HHAT: variants seen among roughly 807,000 people sequenced by gnomAD.
HHAT encodes hedgehog acyltransferase.
A neutral mutation model predicts 70.8 loss-of-function variants in HHAT; 47 were observed. That is an observed-to-expected ratio of 0.66 (90% CI 0.53 to 0.85). HHAT has a LOEUF of 0.85. Among genes scored for constraint, HHAT ranks in the 40% least tolerant of loss-of-function variants. HHAT has a pLI of 0.00. For missense variants in HHAT, 609 were observed against 604.8 expected (o/e 1.01, Z -0.07); for synonymous variants, 228 against 247.6 (o/e 0.92, Z 0.74).
chr1:210,414,288 C>A (rs1267444137), intron 6 of HHAT, among the ~76,000 whole-genome samples: 1 of 152,178 alleles, frequency 6.6e-6, no homozygotes, highest in Non-Finnish European at 1.5e-5. Context: ...TCAAAGGCCC[C>A]ACCTCCTAGT....
chr1:210,428,936 A>G (rs1413313905), intron 7 of HHAT, among the ~76,000 whole-genome samples: 1 of 151,734 alleles, frequency 6.6e-6, no homozygotes, highest in East Asian at 1.9e-4. Context: ...TGATCGCACC[A>G]CTGCACTCTA....
At chr1:210,399,357 A>G (rs531763928) in intron 4 of HHAT, among the ~76,000 whole-genome samples, 2 of 152,236 alleles carry the variant, frequency 1.3e-5, no homozygotes, top group South Asian at 2.1e-4. Context: ...CCCGAGTTCC[A>G]GGGATTCTCC....
chr1:210,655,784 T>C (rs937843783), intron 11 of HHAT, among the ~76,000 whole-genome samples: 3 of 152,266 alleles, frequency 2.0e-5, no homozygotes, highest in African/African-American at 7.2e-5. Flanking sequence ...AACACTGCCT[T>C]CTGCTCCAGT....
At chr1:210,517,725 G>T (rs773761663) in intron 9 of HHAT, among the ~76,000 whole-genome samples, 5 of 152,156 alleles carry the variant, frequency 3.3e-5, no homozygotes, top group Non-Finnish European at 7.4e-5. Context: ...AATATAGGAA[G>T]AAATGCATGT....
intron 10 of HHAT, among the ~76,000 whole-genome samples, chr1:210,616,963 C>T (rs1312181310): frequency 6.6e-6 from 1 of 152,202 alleles, no homozygotes; most frequent in Non-Finnish European, 1.5e-5. Context: ...AATTGGGTGA[C>T]TGACTTTGCT....
At chr1:210,565,554 CA>C (rs1654503555) in intron 9 of HHAT, among the ~76,000 whole-genome samples, 1 of 151,962 alleles carries the variant, frequency 6.6e-6, no homozygotes, top group African/African-American at 2.4e-5. Flanking sequence ...TCCATAATAC[CA>C]GAGGAACACA....
At chr1:210,486,605 C>T (rs1486499790) in intron 8 of HHAT, among the ~76,000 whole-genome samples, 1 of 152,142 alleles carries the variant, frequency 6.6e-6, no homozygotes, top group Non-Finnish European at 1.5e-5. Flanking sequence ...GTGGGGGAAG[C>T]ACAGTGTTTC....
At chr1:210,486,424 C>CTG (rs1389503165) in intron 8 of HHAT, among the ~76,000 whole-genome samples, 2 of 152,194 alleles carry the variant, frequency 1.3e-5, no homozygotes, top group Non-Finnish European at 2.9e-5. Flanking sequence ...TCTTGAGCTG[C>CTG]TGAAAGTGCT....
chr1:210,569,769 A>T (rs1655777626), intron 9 of HHAT, among the ~76,000 whole-genome samples: 1 of 152,076 alleles, frequency 6.6e-6, no homozygotes, highest in African/African-American at 2.4e-5. Flanking sequence ...CCTCAGAATC[A>T]ACCCCTTCAT....
chr1:210,563,357 G>A (rs919932040), intron 9 of HHAT, among the ~76,000 whole-genome samples: 1 of 152,130 alleles, frequency 6.6e-6, no homozygotes, highest in Non-Finnish European at 1.5e-5. Flanking sequence ...TCATAATTTG[G>A]GTTTGGAAGA....
intron 2 of HHAT, among the ~76,000 whole-genome samples, chr1:210,355,543 A>G (rs2087521063): frequency 6.6e-6 from 1 of 152,218 alleles, no homozygotes; most frequent in Non-Finnish European, 1.5e-5. Flanking sequence ...ATACGGATTC[A>G]TTCCTATTAC....
chr1:210,547,796 C>T (rs1008287906), intron 9 of HHAT, among the ~76,000 whole-genome samples: 1 of 152,188 alleles, frequency 6.6e-6, no homozygotes, highest in Non-Finnish European at 1.5e-5. Context: ...ACTCCAGAAC[C>T]TCACCGAACA....
At chr1:210,360,886 C>A (rs1571874247) in intron 2 of HHAT, among the ~76,000 whole-genome samples, 1 of 113,820 alleles carries the variant, frequency 8.8e-6, no homozygotes, top group Non-Finnish European at 1.7e-5. Flanking sequence ...CTATTAGAAA[C>A]TTTAAAATTT....
At chr1:210,450,607 C>T (rs1267656917) in intron 7 of HHAT, among the ~76,000 whole-genome samples, 4 of 140,916 alleles carry the variant, frequency 2.8e-5, no homozygotes, top group Admixed American at 7.0e-5. Context: ...CATTGTAAAT[C>T]TTTTTTTTTT....
intron 9 of HHAT, among the ~76,000 whole-genome samples, chr1:210,537,983 A>AT (rs1242407783): frequency 6.6e-6 from 1 of 151,344 alleles, no homozygotes; most frequent in Non-Finnish European, 1.5e-5. Context: ...TTTTTCAGTG[A>AT]TTTTGTCTTC....
chr1:210,350,242 A>G (rs2086894596), intron 2 of HHAT, among the ~76,000 whole-genome samples: 1 of 152,244 alleles, frequency 6.6e-6, no homozygotes, highest in Non-Finnish European at 1.5e-5. Context: ...ATAATTGCTA[A>G]AAATTGGAAG....
At chr1:210,362,683 C>T (rs1222000909) in intron 2 of HHAT, among the ~76,000 whole-genome samples, 169 bp from the exon 3 acceptor site, 2 of 152,200 alleles carry the variant, frequency 1.3e-5, no homozygotes, top group East Asian at 3.9e-4. Flanking sequence ...ACTTAGGTCA[C>T]AGAACACTGG....
intron 3 of HHAT, among the ~76,000 whole-genome samples, chr1:210,370,630 T>TTC (rs1388904537): frequency 1.4e-5 from 2 of 145,188 alleles, no homozygotes; most frequent in African/African-American, 5.1e-5. Flanking sequence ...TTTTTTTTTT[T>TTC]TGGAGACGGA....
At chr1:210,637,231 G>T (rs1350653627) in intron 11 of HHAT, among the ~76,000 whole-genome samples, 2 of 152,262 alleles carry the variant, frequency 1.3e-5, no homozygotes, top group East Asian at 3.9e-4. Context: ...AAAGAATGAA[G>T]TTGGATCCAT....
Sources: allele counts gnomAD v4.1 joint callset (sites outside exome capture counted in the v4.1 genomes callset), GRCh38; gene constraint gnomAD v4.1.1; transcripts MANE v1.5; gene names NCBI Gene and HGNC (gene_info 2026-07-23, HGNC 2026-07-21).